The following CLASP2 variants were observed in gnomAD, a reference collection of about 807,000 sequenced individuals.
CLASP2 encodes the protein CLIP-associating protein 2.
In CLASP2, 47 loss-of-function variants were observed where a neutral mutation model predicts 194.4. That is an observed-to-expected ratio of 0.24 (90% CI 0.19 to 0.31). CLASP2 has a LOEUF of 0.31. Ranked by LOEUF, CLASP2 falls within the 10% of genes least tolerant of loss-of-function variation. The pLI is 1.00. For synonymous variants in CLASP2, 619 were observed against 633.5 expected (o/e 0.98, Z 0.34); for missense variants, 1,445 against 1,823.6 (o/e 0.79, Z 3.78).
At chr3:33,601,552 T>C (rs2072210140) in intron 18 of CLASP2, among the ~76,000 whole-genome samples, 1 of 152,230 alleles carries the variant, frequency 6.6e-6, no homozygotes, top group Non-Finnish European at 1.5e-5. Flanking sequence ...TTTCATATTT[T>C]CATACTTTAG....
intron 1 of CLASP2, among the ~76,000 whole-genome samples, chr3:33,699,872 CAAAAAAA>C (rs34347002): frequency 1.1e-5 from 1 of 93,930 alleles, no homozygotes; most frequent in Non-Finnish European, 2.3e-5. Flanking sequence ...ATTGTACTAC[CAAAAAAA>C]AAAAAAAAAA....
intron 12 of CLASP2, among the ~76,000 whole-genome samples, chr3:33,613,250 A>G (rs1266355554): frequency 6.6e-6 from 1 of 152,206 alleles, no homozygotes; most frequent in Non-Finnish European, 1.5e-5. Context: ...TTGAACTGTG[A>G]TACAGCCCAA....
intron 36 of CLASP2, among the ~76,000 whole-genome samples, chr3:33,514,859 GCA>G (rs1488530189): frequency 6.6e-6 from 1 of 151,470 alleles, no homozygotes. Flanking sequence ...GTGTATATAC[GCA>G]CACACACACC....
intron 6 of CLASP2, among the ~76,000 whole-genome samples, chr3:33,676,643 G>A (rs2088705118): frequency 1.3e-5 from 2 of 152,082 alleles, no homozygotes; most frequent in South Asian, 2.1e-4. Flanking sequence ...ATAGGCATGG[G>A]CAAGGACTTC....
intron 27 of CLASP2, 43 bp from the exon 28 acceptor site, chr3:33,561,014 AAT>A: frequency 6.5e-7 from 1 of 1,540,554 alleles, no homozygotes; most frequent in Non-Finnish European, 8.9e-7. Context: ...AAAAAGAGGA[AAT>A]ATTGACCTCT....
chr3:33,577,371 T>C (rs2154200436), intron 23 of CLASP2: 1 of 837,790 alleles, frequency 1.2e-6, no homozygotes, highest in East Asian at 2.7e-5. Context: ...TGTTATTCTT[T>C]ATAGTTAATG....
intron 13 of CLASP2, among the ~76,000 whole-genome samples, 153 bp downstream of exon 13, chr3:33,611,848 C>T (rs886521954): frequency 1.1e-4 from 16 of 152,048 alleles, no homozygotes; most frequent in Admixed American, 5.9e-4. Flanking sequence ...TTTTCCCTTA[C>T]ATGAGATATG....
At chr3:33,554,331 A>G (rs1251870888) in intron 29 of CLASP2, among the ~76,000 whole-genome samples, 1 of 152,230 alleles carries the variant, frequency 6.6e-6, no homozygotes, top group Non-Finnish European at 1.5e-5. Context: ...CAGCCTTACA[A>G]AGAAGGAAAT....
chr3:33,659,389 G>T, intron 7 of CLASP2: 1 of 1,033,050 alleles, frequency 9.7e-7, no homozygotes, highest in Non-Finnish European at 1.2e-6. Flanking sequence ...CAAGGCATGT[G>T]TTCAGCAATC....
chr3:33,528,324 A>G (rs2055187925), intron 34 of CLASP2, among the ~76,000 whole-genome samples: 1 of 152,226 alleles, frequency 6.6e-6, no homozygotes, highest in Non-Finnish European at 1.5e-5. Context: ...ACAAACCCAC[A>G]GCAGCCAACA....
chr3:33,573,582 G>C (rs1250155294), intron 24 of CLASP2: 1 of 568,642 alleles, frequency 1.8e-6, no homozygotes, highest in Non-Finnish European at 3.1e-6. Flanking sequence ...TAGAAGCAGA[G>C]TAAGACTATA....
intron 26 of CLASP2, among the ~76,000 whole-genome samples, chr3:33,569,829 T>C (rs1459577319): frequency 1.3e-5 from 2 of 152,132 alleles, no homozygotes; most frequent in Non-Finnish European, 2.9e-5. Context: ...TTTTAGTTTA[T>C]GTACAATGTG....
At chr3:33,675,905 T>A (rs1348489649) in intron 6 of CLASP2, among the ~76,000 whole-genome samples, 1 of 150,764 alleles carries the variant, frequency 6.6e-6, no homozygotes, top group African/African-American at 2.4e-5. Flanking sequence ...CAAGGAGAAC[T>A]ACAAACCACT....
At chr3:33,717,103 C>T (rs1053284908) in intron 1 of CLASP2, among the ~76,000 whole-genome samples, 2 of 152,192 alleles carry the variant, frequency 1.3e-5, no homozygotes, top group Non-Finnish European at 2.9e-5. Flanking sequence ...TTTCTCGCAC[C>T]TCATCTTTGT....
At chr3:33,531,613 T>C (rs538785645) in intron 34 of CLASP2, among the ~76,000 whole-genome samples, 31 of 152,104 alleles carry the variant, frequency 2.0e-4, no homozygotes, top group Admixed American at 3.3e-4. Flanking sequence ...CCGTCTCTAC[T>C]AAAATACAAA....
chr3:33,512,557 T>TAAAAAAAAAAAAA (rs71070140), intron 36 of CLASP2, among the ~76,000 whole-genome samples: 1 of 12,484 alleles, frequency 8.0e-5, no homozygotes, highest in African/African-American at 3.7e-4. Context: ...TAGAGTATAA[T>TAAAAAAAAAAAAA]AAAAAAAAAA....
chr3:33,550,729 T>A (rs2154160014), intron 30 of CLASP2, among the ~76,000 whole-genome samples: 1 of 152,120 alleles, frequency 6.6e-6, no homozygotes, highest in East Asian at 1.9e-4. Flanking sequence ...AAGCAAGCAG[T>A]CGCAAATCAC....
chr3:33,696,888 A>G lies in CLASP2; in HGVS notation c.241T>C (p.Leu81=). ...ACATAGGATTTAAAGCGTGTTGATA[A>G]TCTGTCCACAAAGGCACTTAAAATT... ...LEILSAFVDR[L]STRFKSYVAM... Residue 81 remains leucine, a synonymous_variant, in exon 2 of 39, where the codon TTA becomes CTA. Transcript: ENST00000682230. 2 of 1,597,094 alleles carry G rather than the reference A, an allele frequency of 1.3e-6. No homozygotes were observed. The highest frequency in any genetic ancestry group is 1.7e-6 in the Non-Finnish European group (2 of 1,170,146).
intron 8 of CLASP2, among the ~76,000 whole-genome samples, chr3:33,637,442 G>A (rs34444514): frequency 0.25 from 37,957 of 152,050 alleles, 5,171 homozygotes; most frequent in Admixed American, 0.36. Flanking sequence ...GCCGAGGCAG[G>A]AGAATCGCTT....
Sources: allele counts gnomAD v4.1 joint callset (sites outside exome capture counted in the v4.1 genomes callset), GRCh38; gene constraint gnomAD v4.1.1; transcripts MANE v1.5; gene names NCBI Gene and HGNC (gene_info 2026-07-23, HGNC 2026-07-21).